Variants in ZNF483 observed in about 807,000 individuals in gnomAD.
The protein encoded by ZNF483 is zinc finger protein HIT-10.
A neutral mutation model predicts 28.6 loss-of-function variants in ZNF483; 9 were observed. That is an observed-to-expected ratio of 0.32 (90% CI 0.19 to 0.55). The LOEUF (loss-of-function observed/expected upper bound fraction) is 0.55, where lower values mean the gene tolerates loss of function less well. Among genes scored for constraint, ZNF483 ranks in the 20% least tolerant of loss-of-function variants. ZNF483 has a pLI of 0.93. For missense variants in ZNF483, 675 were observed against 871.7 expected (o/e 0.77, Z 2.84); for synonymous variants, 322 against 306.2 (o/e 1.05, Z -0.54).
chr9:111,576,424 C>G, exon 6 of ZNF483: 1 of 1,614,070 alleles, frequency 6.2e-7, no homozygotes. Flanking sequence ...AGACCATGCT[C>G]TGCCTTCTTG....
At chr9:111,560,318 C>CA (rs1423986914), downstream of ZNF483, among the ~76,000 whole-genome samples, 1 of 151,562 alleles carries the variant, frequency 6.6e-6, no homozygotes, top group Non-Finnish European at 1.5e-5. Context: ...ACTAAAAATA[C>CA]AAAAAATTAG....
At position 111,545,657 on chromosome 9, in the gene ZNF483, A is replaced by G. The variant is rs1827789539; in HGVS notation, c.*2487A>G. 6.6e-6 allele frequency among the ~76,000 whole-genome samples: 1 copy of G among 152,088 alleles called. No individual in the cohort carries two copies. The highest frequency in any genetic ancestry group is 2.4e-5 in the African/African-American group (1 of 41,420). On this transcript the variant is annotated 3_prime_UTR_variant, in exon 6 of 6. Transcript: ENST00000309235. ...TGTCTTTTTCTGTACATTTTATGTT[A>G]TATGTGATCTTTCTGTGTTTTTTTC...
chr9:111,537,004 C>A (rs964552560), intron 5 of ZNF483, among the ~76,000 whole-genome samples: 7 of 152,116 alleles, frequency 4.6e-5, no homozygotes, highest in African/African-American at 1.4e-4. Context: ...TCAAGCAGTT[C>A]AGCTTTTTCT....
At chr9:111,526,224 A>G (rs184724619) in intron 1 of ZNF483, among the ~76,000 whole-genome samples, 218 of 152,270 alleles carry the variant, frequency 1.4e-3, no homozygotes, top group African/African-American at 4.8e-3. Context: ...CATTCCGAGG[A>G]GAGGGAATAG....
rs1341055833 is a variant in ZNF483 at position 111,553,124 on chromosome 9, G to T, written c.*9954G>T. Among the ~76,000 whole-genome samples the T allele has an allele frequency of 2.0e-5, 3 of 152,072 alleles. No homozygotes were observed. Among genetic ancestry groups the T allele is most frequent in the Non-Finnish European group, 4.4e-5 (3 of 68,008 alleles). The stretch of plus-strand genomic sequence containing the variant: ...CTTTTTTGACTTACACTCACTAAAT[G>T]GTTGCTAAAAATTACATGTCTTAAA... On this transcript the variant is annotated 3_prime_UTR_variant, in exon 6 of 6. Transcript: ENST00000309235.
At chr9:111,558,635 A>G (rs529730368), downstream of ZNF483, among the ~76,000 whole-genome samples, 67 of 152,380 alleles carry the variant, frequency 4.4e-4, no homozygotes, top group African/African-American at 1.5e-3. Context: ...TGGAATTTAG[A>G]TAAGTTCATT....
chr9:111,527,067 A>G (rs1827200691), intron 1 of ZNF483, among the ~76,000 whole-genome samples: 1 of 151,698 alleles, frequency 6.6e-6, no homozygotes, highest in Non-Finnish European at 1.5e-5. Context: ...GCACCACTTC[A>G]CTCCAGCCTG....
intron 5 of ZNF483, chr9:111,574,097 C>T (rs973168049): frequency 6.6e-6 from 1 of 152,222 alleles, no homozygotes; most frequent in African/African-American, 2.4e-5. Context: ...TCCTCTCGCA[C>T]CTCCAGCAAT....
rs184685816 is a variant in ZNF483, at chr9:111,541,974, C to G, written c.1039C>G (p.Leu347Val). 3 of 1,614,052 alleles carry G rather than the reference C, an allele frequency of 1.9e-6. No individual in the cohort carries two copies. Among genetic ancestry groups the G allele is most frequent in the Admixed American group, 3.3e-5 (2 of 59,996 alleles). ...KPFSFHSDLV[L>V]NRKEKTAGEK... is the part of the protein sequence containing the mutation. The stretch of plus-strand genomic sequence containing the variant: ...CTTCAGTTTTCATTCAGACCTTGTT[C>G]TGAACCGCAAGGAGAAAACCGCCGG... Residue 347 changes from leucine (L) to valine (V), a missense_variant, in exon 6 of 6, where the codon CTG (leucine) becomes GTG (valine). Coordinates refer to ENST00000309235, the MANE Select transcript of ZNF483 (RefSeq NM_133464.5).
rs1828008225 is a variant in ZNF483, at chr9:111,552,804, A to T, written c.*9634A>T. On this transcript the variant is annotated 3_prime_UTR_variant, in exon 6 of 6. Coordinates refer to ENST00000309235, the MANE Select transcript of ZNF483 (RefSeq NM_133464.5). The stretch of plus-strand genomic sequence containing the variant: ...ATTGGTCTTTATTATTAAAATATAA[A>T]TATTCTATTAGCAAAAATATATTCT... Among the ~76,000 whole-genome samples, 1 of 151,482 alleles carries T rather than the reference A, an allele frequency of 6.6e-6. No individual in the cohort carries two copies. Among genetic ancestry groups the T allele is most frequent in the South Asian group, 2.1e-4 (1 of 4,816 alleles).
At position 111,550,931 on chromosome 9, in the gene ZNF483, T is replaced by A. The variant is rs2132279050; in HGVS notation, c.*7761T>A. Among the ~76,000 whole-genome samples the A allele has an allele frequency of 6.6e-6, 1 of 152,326 alleles. No homozygotes were observed. Among genetic ancestry groups the A allele is most frequent in the East Asian group, 1.9e-4 (1 of 5,184 alleles). ...GAGTTGTTTTCACCTGTTTTCTGTC[T>A]CTCACACTGGAGGCTTTCCTGAAGC... On this transcript the variant is annotated 3_prime_UTR_variant, in exon 6 of 6. Transcript: ENST00000309235.
At chr9:111,539,182 G>A (rs1327479971) in intron 5 of ZNF483, among the ~76,000 whole-genome samples, 4 of 149,152 alleles carry the variant, frequency 2.7e-5, no homozygotes, top group Non-Finnish European at 5.9e-5. Context: ...TTAGGAAAAT[G>A]GACTAACTTG....
intron 5 of ZNF483, among the ~76,000 whole-genome samples, chr9:111,567,336 C>A (rs140330169): frequency 6.6e-6 from 1 of 152,002 alleles, no homozygotes; most frequent in Non-Finnish European, 1.5e-5. Context: ...TATAGGTGCA[C>A]GCCACCATGC....
At position 111,548,165 on chromosome 9, in the gene ZNF483, G is replaced by A. The variant is rs1385146481; in HGVS notation, c.*4995G>A. Among the ~76,000 whole-genome samples, 1 of 152,112 alleles carries A rather than the reference G, an allele frequency of 6.6e-6. No homozygotes were observed. The highest frequency in any genetic ancestry group is 1.5e-5 in the Non-Finnish European group (1 of 68,016). ...CCTTAAGATTTCAAATGAATTTTAG[G>A]ATGGTTTGTTTGTTTTTGTGGAAAA... On this transcript the variant is annotated 3_prime_UTR_variant, in exon 6 of 6. Coordinates refer to ENST00000309235, the MANE Select transcript of ZNF483 (RefSeq NM_133464.5).
rs919945810 is a variant in ZNF483 at position 111,543,544 on chromosome 9, C to T, written c.*374C>T. On this transcript the variant is annotated 3_prime_UTR_variant, in exon 6 of 6. Transcript: ENST00000309235. Reference sequence around the variant, plus strand: ...TTGCCAACCAACTTGCTGTATACACCTTGGACAAGTCATTTGACCTTTCAG... The same window carrying T: ...TTGCCAACCAACTTGCTGTATACACTTTGGACAAGTCATTTGACCTTTCAG... 5 of 1,001,378 alleles carry T rather than the reference C, an allele frequency of 5.0e-6. No individual in the cohort carries two copies. The African/African-American group carries it at 8.6e-5, about 17-fold the overall frequency. The allele number at this position is 1,001,378 out of a possible 1,614,324, so 62.0% of individuals were successfully genotyped here.
At position 111,552,476 on chromosome 9, in the gene ZNF483, A is replaced by C. The variant is rs1827998267; in HGVS notation, c.*9306A>C. ...GGGAAAAGTTATCCTCTTGCTTTAAAATTCCAACATGGATGGTCTTTTGAC... is the reference window on the plus strand; with the variant it reads ...GGGAAAAGTTATCCTCTTGCTTTAACATTCCAACATGGATGGTCTTTTGAC... On this transcript the variant is annotated 3_prime_UTR_variant, in exon 6 of 6. Coordinates refer to ENST00000309235, the MANE Select transcript of ZNF483 (RefSeq NM_133464.5). Among the ~76,000 whole-genome samples the C allele has an allele frequency of 6.6e-6, 1 of 152,202 alleles. No individual in the cohort carries two copies.
At chr9:111,536,591 C>CAATG (rs1827508642) in intron 5 of ZNF483, among the ~76,000 whole-genome samples, 1 of 152,134 alleles carries the variant, frequency 6.6e-6, no homozygotes, top group Non-Finnish European at 1.5e-5. Flanking sequence ...AAGAAAGAAG[C>CAATG]AATGATCCAT....
chr9:111,530,391 A>G (rs1338706245), intron 2 of ZNF483, among the ~76,000 whole-genome samples: 1 of 151,992 alleles, frequency 6.6e-6, no homozygotes, highest in Non-Finnish European at 1.5e-5. Context: ...AAACCAGTAA[A>G]CGTAAGTAAA....
downstream of ZNF483, among the ~76,000 whole-genome samples, chr9:111,555,505 T>A (rs908427058): frequency 6.6e-6 from 1 of 152,190 alleles, no homozygotes; most frequent in Non-Finnish European, 1.5e-5. Flanking sequence ...CTCACACTGC[T>A]ATAAGGAACT....
Sources: gnomAD v4.1 joint callset for allele counts (sites outside exome capture counted in the v4.1 genomes callset) on GRCh38, gnomAD v4.1.1 for gene constraint, MANE v1.5 for transcripts, NCBI Gene and HGNC (gene_info 2026-07-23, HGNC 2026-07-21) for gene names.